Variants in MACO1 observed in about 807,000 individuals in gnomAD.
The protein encoded by MACO1 is macoilin.
MACO1 carries 14 observed loss-of-function variants against 78.7 expected under a neutral mutation model. That is an observed-to-expected ratio of 0.18 (90% CI 0.12 to 0.28). The LOEUF is 0.28. Ranked by LOEUF, MACO1 falls within the 10% of genes least tolerant of loss-of-function variation. MACO1 has a pLI of 1.00. For synonymous variants in MACO1, 288 were observed against 291.6 expected, an observed-to-expected ratio of 0.99 and a Z score of 0.12; for missense variants, 501 against 799.0, an observed-to-expected ratio of 0.63 and a Z score of 4.50.
chr1:25,462,389 T>TG (rs2043179756), intron 6 of MACO1, among the ~76,000 whole-genome samples: 1 of 152,088 alleles, frequency 6.6e-6, no homozygotes, highest in Non-Finnish European at 1.5e-5. Flanking sequence ...CTTCTATTGA[T>TG]CCCATCACCT....
At chr1:25,495,007 A>G (rs1030647990) in intron 10 of MACO1, among the ~76,000 whole-genome samples, 2 of 152,146 alleles carry the variant, frequency 1.3e-5, no homozygotes, top group Non-Finnish European at 2.9e-5. Context: ...TTTGAGAATC[A>G]CACTGCTTTA....
intron 2 of MACO1, 38 bp from the exon 3 acceptor site, chr1:25,448,770 A>C: frequency 6.8e-7 from 1 of 1,461,110 alleles, no homozygotes; most frequent in African/African-American, 1.4e-5. Flanking sequence ...AACAGGTTCT[A>C]AGATGTATCT....
chr1:25,434,446 C>A (rs950515152), intron 1 of MACO1, among the ~76,000 whole-genome samples: 3 of 152,168 alleles, frequency 2.0e-5, no homozygotes, highest in African/African-American at 7.2e-5. Context: ...TACAGGATAA[C>A]ACATGGCTCA....
At chr1:25,446,933 GT>G in intron 2 of MACO1, 30 bp downstream of exon 2, 1 of 1,602,072 alleles carries the variant, frequency 6.2e-7, no homozygotes, top group Non-Finnish European at 8.5e-7. Context: ...TTTTCCATGT[GT>G]GGGGACCATT....
intron 3 of MACO1, among the ~76,000 whole-genome samples, 154 bp from the exon 4 acceptor site, chr1:25,454,105 A>T (rs994800992): frequency 1.3e-5 from 2 of 152,164 alleles, no homozygotes; most frequent in African/African-American, 4.8e-5. Context: ...CATTTGTCAT[A>T]TAAAAGCTTT....
intron 5 of MACO1, 101 bp from the exon 6 acceptor site, chr1:25,458,281 TGTGAATTTC>T: frequency 7.0e-7 from 1 of 1,429,750 alleles, no homozygotes; most frequent in Non-Finnish European, 9.3e-7. Flanking sequence ...TGCAAACTAA[TGTGAATTTC>T]TTAAGTGTAG....
intron 6 of MACO1, among the ~76,000 whole-genome samples, chr1:25,470,927 C>G (rs993627727): frequency 6.6e-6 from 1 of 152,120 alleles, no homozygotes; most frequent in Non-Finnish European, 1.5e-5. Flanking sequence ...ACTCAGGAGG[C>G]TGAGGCACGA....
chr1:25,480,791 C>T (rs907433949), intron 6 of MACO1, among the ~76,000 whole-genome samples: 3 of 150,410 alleles, frequency 2.0e-5, no homozygotes, highest in Non-Finnish European at 4.4e-5. Flanking sequence ...ATTAGCTGGG[C>T]GTGGTGGTGG....
intron 1 of MACO1, among the ~76,000 whole-genome samples, chr1:25,434,693 C>T (rs1054995890): frequency 2.0e-5 from 3 of 152,150 alleles, no homozygotes; most frequent in African/African-American, 7.2e-5. Flanking sequence ...TTTTCTATCT[C>T]AAATGAGATA....
chr1:25,471,707 G>T (rs1457307470), intron 6 of MACO1, among the ~76,000 whole-genome samples: 1 of 152,186 alleles, frequency 6.6e-6, no homozygotes, highest in Non-Finnish European at 1.5e-5. Context: ...GCAACTCAAA[G>T]GCTTTTGAAG....
chr1:25,439,779 G>A (rs2042953250), intron 1 of MACO1, among the ~76,000 whole-genome samples: 1 of 152,004 alleles, frequency 6.6e-6, no homozygotes, highest in African/African-American at 2.4e-5. Context: ...AGCACTTTGG[G>A]AGGCTGAGAC....
Position 25,446,792 on chromosome 1 carries a change from G to T in MACO1, c.111G>T (p.Val37=), listed in dbSNP as rs1337624326. 6.2e-7 allele frequency: 1 copy of T among 1,613,466 alleles called. No homozygotes were observed. The highest frequency in any genetic ancestry group is 1.7e-5 in the Admixed American group (1 of 59,956). ...TTTTATACCTGAAATTCCTGGTGGT[G>T]TGGGCACTTGTCCTCCTAGCAGATT... ...STFLYLKFLV[V]WALVLLADFV... Residue 37 remains valine, a synonymous_variant, in exon 2 of 11, where the codon GTG becomes GTT. Transcript: ENST00000374343.
At chr1:25,457,465 T>C (rs2043131795) in intron 5 of MACO1, among the ~76,000 whole-genome samples, 1 of 152,166 alleles carries the variant, frequency 6.6e-6, no homozygotes. Context: ...TATGGAACTA[T>C]GTGAACTGGT....
At chr1:25,496,713 G>A (rs1048659416) in intron 10 of MACO1, among the ~76,000 whole-genome samples, 18 of 150,460 alleles carry the variant, frequency 1.2e-4, no homozygotes, top group Non-Finnish European at 2.1e-4. Context: ...AAAAAAAAAA[G>A]GGTAGACACA....
At chr1:25,473,396 A>G (rs1333090349) in intron 6 of MACO1, among the ~76,000 whole-genome samples, 1 of 152,212 alleles carries the variant, frequency 6.6e-6, no homozygotes, top group African/African-American at 2.4e-5. Context: ...CTCCATATCT[A>G]AGAGGCCAAA....
chr1:25,488,802 A>T (rs1278978997), intron 8 of MACO1, among the ~76,000 whole-genome samples: 3 of 151,920 alleles, frequency 2.0e-5, no homozygotes, highest in South Asian at 2.1e-4. Context: ...AGTCTTTTTT[A>T]AAATTTTATT....
chr1:25,480,580 T>C (rs1308181704), intron 6 of MACO1, among the ~76,000 whole-genome samples: 1 of 152,174 alleles, frequency 6.6e-6, no homozygotes, highest in East Asian at 1.9e-4. Context: ...ATTTTTGTTG[T>C]ATTGTGCCAC....
chr1:25,489,040 C>T lies in MACO1; in HGVS notation c.1497-133C>T, dbSNP rs1447038500. On this transcript the variant is annotated intron_variant, in intron 8 of 10. Coordinates refer to ENST00000374343, the MANE Select transcript of MACO1 (RefSeq NM_018202.6). ...TTCACCATGCTGGTCAGGTTGGTCT[C>T]GAACCCCTGACCTCAAATAATCTGC... The T allele has an allele frequency of 3.1e-5, 36 of 1,153,006 alleles. No homozygotes were observed. In the African/African-American group the frequency reaches 5.0e-4, roughly 16 times the overall value. The allele number at this position is 1,153,006 out of a possible 1,614,324, so 71.4% of individuals were successfully genotyped here. A position where few individuals can be genotyped will look rare whatever the true frequency, so the allele number is the denominator to read the frequency against.
At chr1:25,464,584 A>G (rs1328195795) in intron 6 of MACO1, among the ~76,000 whole-genome samples, 5 of 149,892 alleles carry the variant, frequency 3.3e-5, no homozygotes, top group Admixed American at 6.7e-5. Flanking sequence ...ACCTCAGGTG[A>G]TCTGCCTGCC....
Sources: gnomAD v4.1 joint callset for allele counts (sites outside exome capture counted in the v4.1 genomes callset) on GRCh38, gnomAD v4.1.1 for gene constraint, MANE v1.5 for transcripts, NCBI Gene and HGNC (gene_info 2026-07-23, HGNC 2026-07-21) for gene names.